HTR4: variants seen among roughly 807,000 people sequenced by gnomAD.
The protein encoded by HTR4 is 5-hydroxytryptamine (serotonin) receptor 4, G protein-coupled.
HTR4 carries 16 observed loss-of-function variants against 36.8 expected under a neutral mutation model. The observed-to-expected ratio is 0.43, with a 90% CI of 0.29 to 0.66. HTR4 has a LOEUF of 0.66. HTR4 is among the 30% of genes least tolerant of loss of function. The pLI, the probability that HTR4 is intolerant of heterozygous loss-of-function variation, is 0.13. For missense variants in HTR4, 438 were observed against 490.9 expected, an observed-to-expected ratio of 0.89 and a Z score of 1.02; for synonymous variants, 189 against 185.1, an observed-to-expected ratio of 1.02 and a Z score of -0.17.
intron 6 of HTR4, among the ~76,000 whole-genome samples, chr5:148,485,894 G>A (rs975676237): frequency 2.0e-4 from 30 of 152,212 alleles, no homozygotes; most frequent in African/African-American, 6.0e-4. Context: ...AAATGTTTCC[G>A]AAGGGCTACA....
chr5:148,634,427 C>A (rs958918266), intron 2 of HTR4, among the ~76,000 whole-genome samples: 1 of 152,136 alleles, frequency 6.6e-6, no homozygotes, highest in Non-Finnish European at 1.5e-5. Context: ...AGTTTTATGA[C>A]CTTGAACAAG....
At chr5:148,531,651 T>G (rs1758571042) in intron 4 of HTR4, among the ~76,000 whole-genome samples, 1 of 152,224 alleles carries the variant, frequency 6.6e-6, no homozygotes, top group African/African-American at 2.4e-5. Context: ...CAGGTCCTAC[T>G]GCAGTACATT....
chr5:148,462,472 A>G (rs1755300529), intron 5 of HTR4, among the ~76,000 whole-genome samples: 1 of 152,078 alleles, frequency 6.6e-6, no homozygotes, highest in Non-Finnish European at 1.5e-5. Context: ...ACAAGAAGAA[A>G]TAGACAATAT....
intron 2 of HTR4, among the ~76,000 whole-genome samples, chr5:148,555,012 T>C (rs1759876144): frequency 6.6e-6 from 1 of 151,804 alleles, no homozygotes; most frequent in Non-Finnish European, 1.5e-5. Flanking sequence ...ATCACTAAAT[T>C]ATATGCTTAA....
Position 148,482,646 on chromosome 5 carries a change from GA to G in HTR4, c.*556del. ...ATGCACGTTTGGACCCAGACACAGG[GA>G]GAAAAGTGTGTTAGCGTCTGGCACA... On this transcript the variant is annotated 3_prime_UTR_variant, in exon 7 of 7. Coordinates refer to ENST00000377888, the MANE Select transcript of HTR4 (RefSeq NM_000870.7). The G allele has an allele frequency of 1.0e-6, 1 of 989,154 alleles. No homozygotes were observed. Among genetic ancestry groups the G allele is most frequent in the Non-Finnish European group, 1.2e-6 (1 of 831,944 alleles). The allele number at this position is 989,154 out of a possible 1,614,324, so 61.3% of individuals were successfully genotyped here.
At chr5:148,474,476 CT>C (rs1042761197), downstream of HTR4, among the ~76,000 whole-genome samples, 103 of 152,202 alleles carry the variant, frequency 6.8e-4, no homozygotes, top group African/African-American at 2.3e-3. Flanking sequence ...CGTAACCCCC[CT>C]AATGACATTC....
Position 148,577,445 on chromosome 5 carries a change from G to C in HTR4, c.27-27183C>G, listed in dbSNP as rs577119949. On this transcript the variant is annotated intron_variant, in intron 2 of 6. Coordinates refer to ENST00000377888, the MANE Select transcript of HTR4 (RefSeq NM_000870.7). Reference sequence around the variant, plus strand: ...AGAGCTAAAAGCAGAACTACCATTCGACCCAGCAATCCCATTACTGAGTAT... The same window carrying C: ...AGAGCTAAAAGCAGAACTACCATTCCACCCAGCAATCCCATTACTGAGTAT... Among the ~76,000 whole-genome samples, 4 of 152,144 alleles carry C rather than the reference G, an allele frequency of 2.6e-5. No individual in the cohort carries two copies. The East Asian group carries it at 7.7e-4, about 29-fold the overall frequency.
intron 6 of HTR4, among the ~76,000 whole-genome samples, chr5:148,502,232 C>A (rs1756966931): frequency 6.6e-6 from 1 of 152,184 alleles, no homozygotes; most frequent in Non-Finnish European, 1.5e-5. Flanking sequence ...AGTAGCCTAA[C>A]TGGGAGGCAC....
At chr5:148,490,831 G>A (rs540069428) in intron 6 of HTR4, 1 of 626,244 alleles carries the variant, frequency 1.6e-6, no homozygotes, top group Non-Finnish European at 2.6e-6. Context: ...TCGAATTCCT[G>A]TTTCCTCTAA....
chr5:148,565,496 G>A (rs144144473), intron 2 of HTR4, among the ~76,000 whole-genome samples: 1 of 152,244 alleles, frequency 6.6e-6, no homozygotes, highest in African/African-American at 2.4e-5. Flanking sequence ...AGTGGAGATG[G>A]GGTTTAGAAG....
At chr5:148,519,381 A>G (rs1757907110) in intron 5 of HTR4, among the ~76,000 whole-genome samples, 1 of 152,142 alleles carries the variant, frequency 6.6e-6, no homozygotes. Flanking sequence ...CCAATTTGTA[A>G]AATTTGGGGA....
intron 2 of HTR4, among the ~76,000 whole-genome samples, chr5:148,622,948 T>C (rs1752967627): frequency 6.6e-6 from 1 of 152,134 alleles, no homozygotes; most frequent in Admixed American, 6.5e-5. Context: ...TAAAGCAAAA[T>C]GGAAATGTAT....
chr5:148,476,878 G>T (rs1417881276), downstream of HTR4: 2 of 1,380,816 alleles, frequency 1.4e-6, no homozygotes, highest in African/African-American at 2.9e-5. Flanking sequence ...CCTGGAGGCT[G>T]GAAAAGACTT....
At chr5:148,503,912 G>A (rs1163717440) in intron 6 of HTR4, among the ~76,000 whole-genome samples, 1 of 152,100 alleles carries the variant, frequency 6.6e-6, no homozygotes, top group Non-Finnish European at 1.5e-5. Flanking sequence ...ATTAAATAAT[G>A]GTAAAGGGAT....
intron 1 of HTR4, among the ~76,000 whole-genome samples, chr5:148,648,777 T>C (rs1021185309): frequency 4.6e-5 from 7 of 152,176 alleles, no homozygotes; most frequent in African/African-American, 1.7e-4. Context: ...AATCAGATTC[T>C]CTTTCTTGAG....
chr5:148,462,924 T>C (rs551463993), intron 5 of HTR4, among the ~76,000 whole-genome samples: 2 of 152,168 alleles, frequency 1.3e-5, no homozygotes, highest in East Asian at 3.9e-4. Context: ...ATTATATTAA[T>C]AAATGCATAA....
At chr5:148,626,420 G>T (rs963042404) in intron 2 of HTR4, among the ~76,000 whole-genome samples, 4 of 152,086 alleles carry the variant, frequency 2.6e-5, no homozygotes, top group African/African-American at 9.7e-5. Context: ...CCAAATACCT[G>T]CACATTTCTT....
chr5:148,455,240 C>T (rs963178056), intron 5 of HTR4, among the ~76,000 whole-genome samples: 35 of 152,120 alleles, frequency 2.3e-4, no homozygotes, highest in African/African-American at 8.4e-4. Flanking sequence ...GTGCCCGTAC[C>T]CTTAACCTCA....
rs3041922 is a variant in HTR4 at position 148,516,627 on chromosome 5, C to CTTTTTTT, written c.507+6559_507+6565dup. Among the ~76,000 whole-genome samples the CTTTTTTT allele has an allele frequency of 5.0e-4, 72 of 143,562 alleles. 2 individuals are homozygous for CTTTTTTT. Among genetic ancestry groups the CTTTTTTT allele is most frequent in the Admixed American group, 1.5e-3 (21 of 14,334 alleles). 94.2% of individuals were successfully genotyped at this position (143,562 alleles called of 152,430 possible). A position where few individuals can be genotyped will look rare whatever the true frequency, so the allele number is the denominator to read the frequency against. On this transcript the variant is annotated intron_variant, in intron 5 of 6. Transcript: ENST00000377888. ...GCCACCGCACCTGGCCAAAAATTCC[C>CTTTTTTT]TTTTTTTTTTTGTAGATGCTCCTTA...
Sources: gnomAD v4.1 joint callset for allele counts (sites outside exome capture counted in the v4.1 genomes callset) on GRCh38, gnomAD v4.1.1 for gene constraint, MANE v1.5 for transcripts, NCBI Gene and HGNC (gene_info 2026-07-23, HGNC 2026-07-21) for gene names.